INPP5D: variants seen among roughly 807,000 people sequenced by gnomAD.
INPP5D encodes phosphatidylinositol 3,4,5-trisphosphate 5-phosphatase 1.
INPP5D carries 33 observed loss-of-function variants against 122.9 expected under a neutral mutation model. The observed-to-expected ratio is 0.27, with a 90% confidence interval of 0.20 to 0.36. The LOEUF (loss-of-function observed/expected upper bound fraction) is 0.36, where lower values mean the gene tolerates loss of function less well. Ranked by LOEUF, INPP5D falls within the 10% of genes least tolerant of loss-of-function variation. The pLI is 1.00. For missense variants in INPP5D, 1,053 were observed against 1,412.7 expected (o/e 0.75, Z 4.08); for synonymous variants, 584 against 576.2 (o/e 1.01, Z -0.19).
Position 233,177,420 on chromosome 2 carries a change from A to G in INPP5D, c.2071+74A>G. 6.2e-7 allele frequency: 1 copy of G among 1,609,162 alleles called. No homozygotes were observed. Among genetic ancestry groups the G allele is most frequent in the Non-Finnish European group, 8.5e-7 (1 of 1,176,632 alleles). On this transcript the variant is annotated intron_variant, in intron 18 of 26. Transcript: ENST00000445964. The surrounding 1 kb of genome is among the most constrained non-coding windows in gnomAD (Gnocchi z 4.2). ...AAGCTGGGAGGTGTGACTGCCCTAA[A>G]ATCTAAGGGCTTCAGTCTGTTGATG...
rs749540582 is a variant in INPP5D at position 233,060,612 on chromosome 2, T to C, written c.134T>C (p.Leu45Pro). The C allele has an allele frequency of 1.2e-6, 2 of 1,613,964 alleles. No individual in the cohort carries two copies. Among genetic ancestry groups the C allele is most frequent in the Non-Finnish European group, 1.7e-6 (2 of 1,179,836 alleles). The stretch of plus-strand genomic sequence containing the variant: ...TCCCGGGCATACGCGCTCTGCGTGC[T>C]GTGAGTACAACCTGCTCCCTCCCCG... ...SISRAYALCV[L>P]YRNCVYTYRI... The change falls in exon 1 of 27, where the codon CTG becomes CCG. Residue 45 changes from leucine (L) to proline (P), a missense_variant and splice_region_variant. Coordinates refer to ENST00000445964, the MANE Select transcript of INPP5D (RefSeq NM_001017915.3).
intron 16 of INPP5D, 35 bp from the exon 17 acceptor site, chr2:233,171,029 G>T (rs1395845714): frequency 1.2e-6 from 2 of 1,607,634 alleles, no homozygotes; most frequent in African/African-American, 2.7e-5. Context: ...AAAACCTGGG[G>T]AATCAGAATT....
At chr2:233,124,828 GC>G (rs1473924102) in intron 3 of INPP5D, among the ~76,000 whole-genome samples, 6 of 152,242 alleles carry the variant, frequency 3.9e-5, no homozygotes, top group Admixed American at 3.9e-4. Context: ...AAACGAGGTC[GC>G]CCAGTTGTCG....
At chr2:233,179,423 G>C (rs1341448017) in intron 18 of INPP5D, among the ~76,000 whole-genome samples, 2 of 152,232 alleles carry the variant, frequency 1.3e-5, no homozygotes, top group Admixed American at 1.3e-4. Flanking sequence ...GATAGTGGAG[G>C]CTTGTAGAAT....
At chr2:233,190,822 A>C (rs1695038029) in intron 22 of INPP5D, among the ~76,000 whole-genome samples, 2 of 152,232 alleles carry the variant, frequency 1.3e-5, no homozygotes, top group South Asian at 4.1e-4. Context: ...TTACAAGCCA[A>C]GCTAAGAGCA....
Position 233,189,705 on chromosome 2 carries a change from C to CA in INPP5D, c.2359-144dup. The CA allele has an allele frequency of 8.2e-7, 1 of 1,215,588 alleles. No homozygotes were observed. The highest frequency in any genetic ancestry group is 2.8e-5 in the Admixed American group (1 of 35,354). The allele number at this position is 1,215,588 out of a possible 1,614,324, so 75.3% of individuals were successfully genotyped here. ...CAGGGTGTATGTGAAAGCTATACCC[C>CA]ACCTGCTCTCTTGGGTATGGACAGC... On this transcript the variant is annotated intron_variant, in intron 21 of 26. Coordinates refer to ENST00000445964, the MANE Select transcript of INPP5D (RefSeq NM_001017915.3). The surrounding 1 kb of genome is among the most constrained non-coding windows in gnomAD (Gnocchi z 5.6).
intron 17 of INPP5D, among the ~76,000 whole-genome samples, chr2:233,174,371 T>C (rs1007437444): frequency 1.3e-5 from 2 of 152,256 alleles, no homozygotes; most frequent in African/African-American, 2.4e-5. Flanking sequence ...ATGGGGATTT[T>C]CCAGCTCCAT....
Position 233,177,885 on chromosome 2 carries a change from T to C in INPP5D, c.2071+539T>C, listed in dbSNP as rs548059840. ...CCACCGCGGCCGACCCGGAGCACTT[T>C]TTTAAAAATTCAGTTTTATTTCTTT... On this transcript the variant is annotated intron_variant, in intron 18 of 26. Coordinates refer to ENST00000445964, the MANE Select transcript of INPP5D (RefSeq NM_001017915.3). The surrounding 1 kb of genome is among the most constrained non-coding windows in gnomAD (Gnocchi z 4.2). 1.3e-5 allele frequency among the ~76,000 whole-genome samples: 2 copies of C among 152,330 alleles called. No homozygotes were observed. Among genetic ancestry groups the C allele is most frequent in the Non-Finnish European group, 2.9e-5 (2 of 68,030 alleles).
chr2:233,093,170 G>A (rs984298201), intron 2 of INPP5D, among the ~76,000 whole-genome samples: 1 of 152,134 alleles, frequency 6.6e-6, no homozygotes, highest in African/African-American at 2.4e-5. Flanking sequence ...TTTGGACAGA[G>A]AAGGATTACG....
intron 5 of INPP5D, chr2:233,134,195 T>G (rs1341083136): frequency 2.8e-6 from 1 of 351,032 alleles, no homozygotes; most frequent in Non-Finnish European, 5.7e-6. Context: ...AGTTCTGGGC[T>G]ACATTTGGCT....
intron 18 of INPP5D, among the ~76,000 whole-genome samples, chr2:233,178,744 C>T (rs1221609207): frequency 1.3e-5 from 2 of 152,148 alleles, no homozygotes; most frequent in Non-Finnish European, 2.9e-5. Context: ...TCAGCCTCCC[C>T]AGGTGCTGGG....
intron 11 of INPP5D, among the ~76,000 whole-genome samples, chr2:233,163,482 C>T (rs1287997672): frequency 1.3e-5 from 2 of 152,128 alleles, no homozygotes; most frequent in Admixed American, 1.3e-4. Context: ...TACCTTGAAA[C>T]TTGACATTAC....
chr2:233,171,248 G>GA, intron 17 of INPP5D, 96 bp downstream of exon 17: 4 of 1,469,326 alleles, frequency 2.7e-6, no homozygotes, highest in African/African-American at 2.9e-5. Flanking sequence ...CATCCATTAG[G>GA]CAAAAAAAAA....
intron 2 of INPP5D, among the ~76,000 whole-genome samples, chr2:233,106,405 C>T (rs1265317553): frequency 6.6e-6 from 1 of 152,198 alleles, no homozygotes; most frequent in African/African-American, 2.4e-5. Context: ...CCCAGGAGGG[C>T]GAGTAGAAAC....
At chr2:233,137,453 CTT>C (rs35819628) in intron 5 of INPP5D, among the ~76,000 whole-genome samples, 28 of 136,658 alleles carry the variant, frequency 2.0e-4, no homozygotes, top group East Asian at 6.2e-4. Flanking sequence ...TTCCATTAAA[CTT>C]TTTTTTTTTT....
chr2:233,121,987 G>C, intron 2 of INPP5D, 120 bp from the exon 3 acceptor site: 2 of 1,173,524 alleles, frequency 1.7e-6, no homozygotes, highest in Non-Finnish European at 2.5e-6. Flanking sequence ...GGAGCCCAAG[G>C]CTTTTCCTGG....
chr2:233,107,558 G>A (rs560015462), intron 2 of INPP5D, among the ~76,000 whole-genome samples: 17 of 152,358 alleles, frequency 1.1e-4, no homozygotes, highest in African/African-American at 3.8e-4. Flanking sequence ...GCCCATGCCA[G>A]GTGATTCTGG....
chr2:233,198,809 G>T (rs1366837991), intron 25 of INPP5D, among the ~76,000 whole-genome samples: 2 of 152,050 alleles, frequency 1.3e-5, no homozygotes, highest in Non-Finnish European at 2.9e-5. Context: ...AATTAGCCAG[G>T]GGTGGTGGTG....
intron 5 of INPP5D, chr2:233,134,128 A>C (rs1158433309): frequency 4.8e-6 from 2 of 417,728 alleles, no homozygotes; most frequent in East Asian, 1.5e-4. Flanking sequence ...TGCTGATGCC[A>C]GTTCCTGGGA....
Sources: allele counts gnomAD v4.1 joint callset (sites outside exome capture counted in the v4.1 genomes callset), GRCh38; gene constraint gnomAD v4.1.1; non-coding constraint Gnocchi (gnomAD v3.1); transcripts MANE v1.5; gene names NCBI Gene and HGNC (gene_info 2026-07-23, HGNC 2026-07-21).